FBXO21: variants seen among roughly 807,000 people sequenced by gnomAD.
FBXO21 encodes F-box protein 21.
FBXO21 carries 32 observed loss-of-function variants against 76.6 expected under a neutral mutation model. The ratio of observed to expected loss-of-function variants is 0.42; its 90% CI spans 0.32 to 0.56. FBXO21 has a LOEUF of 0.56. Ranked by LOEUF, FBXO21 falls within the 20% of genes least tolerant of loss-of-function variation. The probability of loss-of-function intolerance (pLI) is 0.16; values close to 1 mark genes in which losing one functional copy is unlikely to be tolerated. For synonymous variants in FBXO21, 328 were observed against 311.5 expected (o/e 1.05, Z -0.56); for missense variants, 586 against 797.3 (o/e 0.73, Z 3.19).
At chr12:117,172,751 CA>C (rs1173225333) in intron 6 of FBXO21, 144 bp from the exon 7 acceptor site, 8 of 790,546 alleles carry the variant, frequency 1.0e-5, no homozygotes, top group East Asian at 5.6e-5. Context: ...TTATTTAGGT[CA>C]GGGGTGGGTA....
In FBXO21 at chr12:117,174,775, G is replaced by C; in HGVS notation, c.615C>G (p.Tyr205Ter). 6.2e-7 allele frequency: 1 copy of C among 1,614,124 alleles called. No individual in the cohort carries two copies. The highest frequency in any genetic ancestry group is 8.5e-7 in the Non-Finnish European group (1 of 1,180,002). ...YLEGAVYIDQYCNPLSDISLK... is the reference protein window; with the variant it reads ...YLEGAVYIDQ ...GGCTGATGTCGGAGAGAGGATTGCA[G>C]TACTGGTCAATATATACAGCACCTG... is the stretch of plus-strand genomic sequence containing the variant. Residue 205 changes from tyrosine to a stop codon, truncating the protein, a stop_gained, in exon 5 of 12, where the codon TAC becomes TAG. Transcript: ENST00000622495. LOFTEE classifies it high-confidence loss of function.
At chr12:117,189,015 C>T (rs992007448) in intron 2 of FBXO21, 7 of 598,270 alleles carry the variant, frequency 1.2e-5, no homozygotes, top group African/African-American at 7.4e-5. Flanking sequence ...CTCTCTCTGG[C>T]TTTAGAAAAG....
intron 9 of FBXO21, among the ~76,000 whole-genome samples, chr12:117,164,018 G>C (rs554782449): frequency 6.6e-5 from 10 of 151,628 alleles, no homozygotes; most frequent in Non-Finnish European, 1.3e-4. Flanking sequence ...TGTAATCCCA[G>C]CACTTTGGGA....
intron 9 of FBXO21, among the ~76,000 whole-genome samples, chr12:117,164,244 A>G (rs1167505800): frequency 1.3e-5 from 2 of 149,790 alleles, no homozygotes; most frequent in Non-Finnish European, 3.0e-5. Flanking sequence ...GACATTTTCT[A>G]TGTGGGCTAC....
Position 117,158,128 on chromosome 12 carries a change from G to A in FBXO21, c.1327-65C>T, listed in dbSNP as rs200495768. On this transcript the variant is annotated intron_variant, in intron 9 of 11. Coordinates refer to ENST00000622495, the MANE Select transcript of FBXO21 (RefSeq NM_015002.3). ...AGCTAGGCCTTTTCTTTTTTGCGGC[G>A]AGGGATTTAGACCTACCTACGTAAC... The A allele has an allele frequency of 2.7e-5, 43 of 1,580,188 alleles. No individual in the cohort carries two copies. In the Admixed American group the frequency reaches 3.7e-4, roughly 14 times the overall value.
At chr12:117,169,987 T>G (rs1410226220) in intron 7 of FBXO21, among the ~76,000 whole-genome samples, 2 of 152,026 alleles carry the variant, frequency 1.3e-5, no homozygotes, top group Admixed American at 6.6e-5. Flanking sequence ...GATACTATGA[T>G]TATCCACAGA....
intron 3 of FBXO21, among the ~76,000 whole-genome samples, chr12:117,178,045 C>G (rs897504627): frequency 2.6e-5 from 4 of 152,108 alleles, no homozygotes; most frequent in Non-Finnish European, 5.9e-5. Context: ...ATGAAAACTC[C>G]TATTTTCCAG....
intron 11 of FBXO21, among the ~76,000 whole-genome samples, chr12:117,146,907 C>A (rs1317597659): frequency 1.3e-5 from 2 of 152,172 alleles, no homozygotes; most frequent in Non-Finnish European, 2.9e-5. Context: ...TTGGGAAAAC[C>A]ATGCTACCTC....
chr12:117,190,305 T>G lies in FBXO21; in HGVS notation c.152A>C (p.Asp51Ala), dbSNP rs767678594. 1.3e-6 allele frequency: 2 copies of G among 1,529,296 alleles called. No individual in the cohort carries two copies. Among genetic ancestry groups the G allele is most frequent in the Non-Finnish European group, 1.7e-6 (2 of 1,149,346 alleles). The allele number at this position is 1,529,296 out of a possible 1,614,324, so 94.7% of individuals were successfully genotyped here. Residue 51 changes from aspartate (D) to alanine (A), a missense_variant, in exon 1 of 12, where the codon GAC becomes GCC. This residue lies in a region of FBXO21 where 152 missense variants were observed against 127.2 expected (regional missense o/e 1.19). Coordinates refer to ENST00000622495, the MANE Select transcript of FBXO21 (RefSeq NM_015002.3). ...ILCCGSLTAA[D>A]IGRVSSTCRR... ...GCAGGTGCTGGAGACACGGCCGATG[T>G]CGGCGGCCGTCAGCGAGCCGCAGCA...
intron 8 of FBXO21, among the ~76,000 whole-genome samples, chr12:117,166,190 C>CAAA (rs34746643): frequency 1.9e-5 from 2 of 107,774 alleles, no homozygotes; most frequent in Admixed American, 9.1e-5. Context: ...AACTATGTCT[C>CAAA]AAAAAAAAAA....
Position 117,158,075 on chromosome 12 carries a change from G to A in FBXO21, c.1327-12C>T. ...AGGATGTCAAGCACCTTCAAAACAA[G>A]ACAGAAAGACTAAAAGATAATATTT... On this transcript the variant is annotated splice_polypyrimidine_tract_variant and intron_variant, in intron 9 of 11. Coordinates refer to ENST00000622495, the MANE Select transcript of FBXO21 (RefSeq NM_015002.3). 6.2e-7 allele frequency: 1 copy of A among 1,613,842 alleles called. No individual in the cohort carries two copies. The highest frequency in any genetic ancestry group is 2.2e-5 in the East Asian group (1 of 44,890).
intron 11 of FBXO21, among the ~76,000 whole-genome samples, chr12:117,149,709 C>T (rs1248626001): frequency 6.6e-6 from 1 of 152,246 alleles, no homozygotes; most frequent in South Asian, 2.1e-4. Context: ...GCTCCAGAGA[C>T]CCAGCCCTGT....
At chr12:117,183,867 T>C (rs758116059) in intron 3 of FBXO21, among the ~76,000 whole-genome samples, 4 of 152,258 alleles carry the variant, frequency 2.6e-5, no homozygotes, top group Non-Finnish European at 4.4e-5. Flanking sequence ...TTGCATATGA[T>C]GCACGTTTTC....
chr12:117,185,457 T>A (rs929942609), intron 3 of FBXO21, among the ~76,000 whole-genome samples: 1 of 152,252 alleles, frequency 6.6e-6, no homozygotes, highest in Non-Finnish European at 1.5e-5. Context: ...CTTCCATCAC[T>A]AGAAAGTTTT....
intron 1 of FBXO21, 33 bp from the exon 2 acceptor site, chr12:117,189,395 A>G (rs1566011554): frequency 1.2e-6 from 2 of 1,613,364 alleles, no homozygotes; most frequent in Middle Eastern, 1.7e-4. Flanking sequence ...TCAGCTTAAC[A>G]GAAACTCAAA....
chr12:117,166,530 T>A (rs1164509873), intron 8 of FBXO21, among the ~76,000 whole-genome samples: 5 of 152,224 alleles, frequency 3.3e-5, no homozygotes, highest in Non-Finnish European at 7.3e-5. Context: ...AAAAAAAGAA[T>A]TCTGTCATTA....
At chr12:117,157,745 C>T (rs148049407) in intron 10 of FBXO21, 128 bp downstream of exon 10, 22 of 678,234 alleles carry the variant, frequency 3.2e-5, no homozygotes, top group Middle Eastern at 4.6e-4. Flanking sequence ...CCCCGCGGTG[C>T]GCACTCGGGG....
Position 117,144,812 on chromosome 12 carries a change from G to A in FBXO21, c.*1275C>T, listed in dbSNP as rs1060233. On this transcript the variant is annotated 3_prime_UTR_variant, in exon 12 of 12. Transcript: ENST00000622495. ...CTGGGCTCAGTTACTGAGAACTTCG[G>A]AAAGGAGCCAGTGCCGTCCGAACAC... 6.6e-6 allele frequency: 1 copy of A among 152,044 alleles called. No homozygotes were observed. Among genetic ancestry groups the A allele is most frequent in the South Asian group, 2.1e-4 (1 of 4,828 alleles). 9.4% of individuals were successfully genotyped at this position (152,044 alleles called of 1,614,324 possible).
chr12:117,189,124 A>T (rs1310749637), intron 2 of FBXO21, 103 bp downstream of exon 2: 4 of 1,314,274 alleles, frequency 3.0e-6, no homozygotes, highest in African/African-American at 2.9e-5. Context: ...TTGTGAGAGC[A>T]TTGAAAAGGG....
Sources: gnomAD v4.1 joint callset for allele counts (sites outside exome capture counted in the v4.1 genomes callset) on GRCh38, gnomAD v4.1.1 for gene constraint, gnomAD v4.1.1 regional missense constraint, MANE v1.5 for transcripts, NCBI Gene and HGNC (gene_info 2026-07-23, HGNC 2026-07-21) for gene names.